The following KYNU variants were observed in gnomAD, a reference collection of about 807,000 sequenced individuals.
The protein encoded by KYNU is kynureninase.
In KYNU, 54 loss-of-function variants were observed where a neutral mutation model predicts 59.2. That is an observed-to-expected ratio of 0.91 (90% CI 0.73 to 1.14). The LOEUF (loss-of-function observed/expected upper bound fraction) is 1.14. KYNU is among the 50% of genes most tolerant of loss of function. KYNU has a pLI of 0.00. For synonymous variants in KYNU, 177 were observed against 192.0 expected (o/e 0.92, Z 0.65); for missense variants, 567 against 554.4 (o/e 1.02, Z -0.23).
In KYNU at chr2:143,042,616, A is replaced by ATGTGTGTGTGTG. The variant is rs1358940896; in HGVS notation, c.*445_*446insGTGTGTGTGTGT. On this transcript the variant is annotated 3_prime_UTR_variant, in exon 14 of 14. Transcript: ENST00000264170. ...TATATATATATATATATATATATAT[A>ATGTGTGTGTGTG]TATATATATATATATGTGTGTGTGT... 2.6e-5 allele frequency: 1 copy of ATGTGTGTGTGTG among 38,694 alleles called. No homozygotes were observed. The highest frequency in any genetic ancestry group is 9.8e-5 in the African/African-American group (1 of 10,202). 2.4% of individuals were successfully genotyped at this position (38,694 alleles called of 1,614,324 possible). A position where few individuals can be genotyped will look rare whatever the true frequency, so the allele number is the denominator to read the frequency against.
At chr2:142,921,212 T>C (rs779709836) in intron 3 of KYNU, among the ~76,000 whole-genome samples, 10 of 152,170 alleles carry the variant, frequency 6.6e-5, no homozygotes, top group Non-Finnish European at 1.2e-4. Context: ...AAGTTTCTAT[T>C]GGGTTTTTTC....
chr2:142,985,134 C>T lies in KYNU; in HGVS notation c.780C>T (p.Leu260=). ...CACATGCAGTTGGAAATGTTGAACT[C>T]TACTTACATGACTGGGGAGTTGATT... is the stretch of plus-strand genomic sequence containing the variant. ...DLAHAVGNVE[L]YLHDWGVDFA... is the part of the protein sequence containing the mutation. The change falls in exon 9 of 14, where the codon CTC becomes CTT. Residue 260 remains leucine (L), a synonymous_variant. Transcript: ENST00000264170. 6.2e-7 allele frequency: 1 copy of T among 1,611,720 alleles called. No homozygotes were observed. The highest frequency in any genetic ancestry group is 8.5e-7 in the Non-Finnish European group (1 of 1,178,332).
chr2:143,012,126 G>A (rs1306681387), intron 10 of KYNU, among the ~76,000 whole-genome samples: 1 of 151,538 alleles, frequency 6.6e-6, no homozygotes, highest in Non-Finnish European at 1.5e-5. Flanking sequence ...CCAAGTTGGA[G>A]GTTCTCCAAA....
chr2:143,033,693 G>A lies in KYNU; in HGVS notation c.1041+372G>A, dbSNP rs549719782. Among the ~76,000 whole-genome samples, 9 of 152,144 alleles carry A rather than the reference G, an allele frequency of 5.9e-5. No homozygotes were observed. In the South Asian group the frequency reaches 1.2e-3, roughly 21 times the overall value. ...GCAATATTTAGTTCTTCATAAATTC[G>A]CTCATTCAACATAAATTTATTGAGA... On this transcript the variant is annotated intron_variant, in intron 12 of 13. Coordinates refer to ENST00000264170, the MANE Select transcript of KYNU (RefSeq NM_003937.3).
chr2:143,003,684 T>G (rs1685780053), intron 10 of KYNU, among the ~76,000 whole-genome samples: 2 of 152,218 alleles, frequency 1.3e-5, no homozygotes, highest in African/African-American at 4.8e-5. Flanking sequence ...AAATTTGATT[T>G]TTTTTTTCTG....
intron 1 of KYNU, among the ~76,000 whole-genome samples, chr2:142,884,022 A>C (rs868418977): frequency 6.6e-6 from 1 of 152,234 alleles, no homozygotes; most frequent in South Asian, 2.1e-4. Context: ...ATTTTGTTCA[A>C]AAAACCAAAC....
chr2:143,037,916 A>C (rs548685087), intron 12 of KYNU, among the ~76,000 whole-genome samples: 1 of 152,284 alleles, frequency 6.6e-6, no homozygotes, highest in South Asian at 2.1e-4. Context: ...AGTTGCCCTT[A>C]TTGTGGTTGT....
rs1363599063 is a variant in KYNU, at chr2:143,044,701, T to G, written c.*2529T>G. On this transcript the variant is annotated 3_prime_UTR_variant, in exon 14 of 14. Transcript: ENST00000264170. The stretch of plus-strand genomic sequence containing the variant: ...GGTTGTGTTTTTCTTGTAAATTTAT[T>G]TAAGTCCCTTGTAGATTCTGGATAT... 1 of 152,200 alleles carries G rather than the reference T, an allele frequency of 6.6e-6. No homozygotes were observed. The highest frequency in any genetic ancestry group is 1.5e-5 in the Non-Finnish European group (1 of 68,024). The allele number at this position is 152,200 out of a possible 1,614,324, so 9.4% of individuals were successfully genotyped here.
intron 2 of KYNU, among the ~76,000 whole-genome samples, chr2:142,899,997 C>T (rs1339958820): frequency 6.6e-6 from 1 of 152,166 alleles, no homozygotes; most frequent in East Asian, 1.9e-4. Flanking sequence ...CGGCAAGCCT[C>T]TTGTTCTCTG....
chr2:143,019,363 A>G (rs1686344643), intron 10 of KYNU, among the ~76,000 whole-genome samples: 1 of 152,136 alleles, frequency 6.6e-6, no homozygotes, highest in Non-Finnish European at 1.5e-5. Flanking sequence ...AATTTTATTA[A>G]GTGCCTTTTC....
At position 143,053,195 on chromosome 2, in the gene KYNU, G is replaced by A. The variant is rs1021253574; in HGVS notation, c.*11023G>A. The A allele has an allele frequency of 2.0e-5, 3 of 152,214 alleles. No individual in the cohort carries two copies. Among genetic ancestry groups the A allele is most frequent in the Admixed American group, 6.5e-5 (1 of 15,278 alleles). 9.4% of individuals were successfully genotyped at this position (152,214 alleles called of 1,614,324 possible). On this transcript the variant is annotated 3_prime_UTR_variant, in exon 14 of 14. Transcript: ENST00000264170. ...AATGCCTGTATCCCCATTGTATCTA[G>A]GAAGTAACTAACTTGCTTTTGATTT...
chr2:143,043,490 C>G lies in KYNU; in HGVS notation c.*1318C>G, dbSNP rs942988037. ...TTAGATAAACACTTCGGATGGTAGACGTAAACAATAATATGTGGAACTCCA... is the reference window on the plus strand; with the variant it reads ...TTAGATAAACACTTCGGATGGTAGAGGTAAACAATAATATGTGGAACTCCA... On this transcript the variant is annotated 3_prime_UTR_variant, in exon 14 of 14. Coordinates refer to ENST00000264170, the MANE Select transcript of KYNU (RefSeq NM_003937.3). The G allele has an allele frequency of 9.9e-5, 15 of 151,710 alleles. No homozygotes were observed. The highest frequency in any genetic ancestry group is 1.8e-4 in the Non-Finnish European group (12 of 67,886). 9.4% of individuals were successfully genotyped at this position (151,710 alleles called of 1,614,324 possible). A position where few individuals can be genotyped will look rare whatever the true frequency, so the allele number is the denominator to read the frequency against.
At position 142,957,651 on chromosome 2, in the gene KYNU, A is replaced by G. The variant is rs201791037; in HGVS notation, c.518A>G (p.Glu173Gly). 402 of 1,595,960 alleles carry G rather than the reference A, an allele frequency of 2.5e-4. No homozygotes were observed. The highest frequency in any genetic ancestry group is 3.3e-4 in the Non-Finnish European group (383 of 1,164,010). The part of the protein sequence containing the change: ...KAFPSDHYAI[E>G]SQLQLHGLNI... Reference sequence around the variant, plus strand: ...ATCTTTCCTTTTTAGTATGCTATTGAGTCACAACTACAACTTCACGGACTT... The same window carrying G: ...ATCTTTCCTTTTTAGTATGCTATTGGGTCACAACTACAACTTCACGGACTT... The change falls in exon 7 of 14, where the codon GAG (glutamate) becomes GGG (glycine). Residue 173 changes from glutamate to glycine, a missense_variant. Coordinates refer to ENST00000264170, the MANE Select transcript of KYNU (RefSeq NM_003937.3).
intron 2 of KYNU, among the ~76,000 whole-genome samples, chr2:142,903,440 G>A (rs1476588067): frequency 6.6e-6 from 1 of 151,956 alleles, no homozygotes; most frequent in Non-Finnish European, 1.5e-5. Context: ...GGGGTTTTTA[G>A]GCATAATTAG....
intron 10 of KYNU, among the ~76,000 whole-genome samples, chr2:142,986,746 G>A (rs1408030914): frequency 1.3e-5 from 2 of 151,520 alleles, no homozygotes; most frequent in Non-Finnish European, 2.9e-5. Flanking sequence ...CATAGTTGTT[G>A]TATTGGAGTA....
intron 4 of KYNU, among the ~76,000 whole-genome samples, chr2:142,938,687 TA>T (rs1294128783): frequency 6.6e-6 from 1 of 152,220 alleles, no homozygotes; most frequent in Non-Finnish European, 1.5e-5. Flanking sequence ...TCATGTTTAT[TA>T]TACCCAAATT....
chr2:143,032,004 G>A (rs1226658944), intron 11 of KYNU, among the ~76,000 whole-genome samples: 2 of 151,764 alleles, frequency 1.3e-5, no homozygotes, highest in African/African-American at 2.4e-5. Context: ...TTGGCCGGGC[G>A]TGGTGGCTCA....
At chr2:142,934,566 A>G (rs765400768) in intron 4 of KYNU, among the ~76,000 whole-genome samples, 7 of 152,158 alleles carry the variant, frequency 4.6e-5, no homozygotes, top group African/African-American at 9.7e-5. Flanking sequence ...AGACTTGTCT[A>G]TTAATTTCTA....
intron 2 of KYNU, among the ~76,000 whole-genome samples, chr2:142,907,811 T>C (rs1682351794): frequency 6.6e-6 from 1 of 152,216 alleles, no homozygotes; most frequent in African/African-American, 2.4e-5. Context: ...GTTACCAGCG[T>C]TGTGTTTAAA....
Sources: allele counts gnomAD v4.1 joint callset (sites outside exome capture counted in the v4.1 genomes callset), GRCh38; gene constraint gnomAD v4.1.1; transcripts MANE v1.5; gene names NCBI Gene and HGNC (gene_info 2026-07-23, HGNC 2026-07-21).